The following ADAMTSL1 variants were observed in gnomAD, a reference collection of about 807,000 sequenced individuals.
The protein encoded by ADAMTSL1 is ADAMTS-like protein 1.
ADAMTSL1 carries 126 observed loss-of-function variants against 201.8 expected under a neutral mutation model. The ratio of observed to expected loss-of-function variants is 0.62; its 90% CI spans 0.54 to 0.72. ADAMTSL1 has a LOEUF of 0.72. Ranked by LOEUF, ADAMTSL1 falls within the 30% of genes least tolerant of loss-of-function variation. The pLI is 0.00. For missense variants in ADAMTSL1, 2,679 were observed against 2,277.8 expected (o/e 1.18, Z -3.59); for synonymous variants, 1,121 against 903.4 (o/e 1.24, Z -4.32).
At chr9:18,690,591 A>G (rs1831151094) in intron 13 of ADAMTSL1, among the ~76,000 whole-genome samples, 1 of 152,248 alleles carries the variant, frequency 6.6e-6, no homozygotes, top group Non-Finnish European at 1.5e-5. Context: ...AAATTTAAAT[A>G]CTGTTTGCAG....
At chr9:18,492,274 AG>A (rs1416371472) in intron 1 of ADAMTSL1, among the ~76,000 whole-genome samples, 1 of 152,202 alleles carries the variant, frequency 6.6e-6, no homozygotes, top group Non-Finnish European at 1.5e-5. Flanking sequence ...AAGTCAATAT[AG>A]AAACTGAAAA....
At chr9:18,009,528 G>C (rs1819967574) in intron 1 of ADAMTSL1, among the ~76,000 whole-genome samples, 1 of 152,048 alleles carries the variant, frequency 6.6e-6, no homozygotes, top group African/African-American at 2.4e-5. Flanking sequence ...TCAGTGACAA[G>C]AGATTATTTA....
At chr9:18,119,888 G>A (rs1308797522) in intron 1 of ADAMTSL1, among the ~76,000 whole-genome samples, 1 of 152,014 alleles carries the variant, frequency 6.6e-6, no homozygotes, top group African/African-American at 2.4e-5. Context: ...TTTAACTTTG[G>A]GAGATCAAAA....
intron 1 of ADAMTSL1, among the ~76,000 whole-genome samples, chr9:18,102,125 C>T (rs982907911): frequency 2.6e-5 from 4 of 152,192 alleles, no homozygotes; most frequent in African/African-American, 7.2e-5. Flanking sequence ...ACTAGAGATA[C>T]TCCTTAAAAG....
chr9:18,000,953 C>G (rs1286660186), intron 1 of ADAMTSL1, among the ~76,000 whole-genome samples: 3 of 151,996 alleles, frequency 2.0e-5, no homozygotes. Flanking sequence ...GGGCACTATC[C>G]CATCCCTAGA....
At chr9:18,697,265 A>C (rs904503345) in intron 13 of ADAMTSL1, among the ~76,000 whole-genome samples, 9 of 152,360 alleles carry the variant, frequency 5.9e-5, no homozygotes, top group African/African-American at 1.9e-4. Flanking sequence ...TTTAGAATAA[A>C]GTATATATTT....
At chr9:18,490,744 G>A (rs143669762) in intron 1 of ADAMTSL1, among the ~76,000 whole-genome samples, 1 of 152,178 alleles carries the variant, frequency 6.6e-6, no homozygotes, top group South Asian at 2.1e-4. Flanking sequence ...AGCCAGGGGA[G>A]CATATTCCGC....
intron 4 of ADAMTSL1, among the ~76,000 whole-genome samples, chr9:18,593,759 G>A (rs1185753531): frequency 1.3e-5 from 2 of 151,464 alleles, no homozygotes; most frequent in African/African-American, 4.9e-5. Flanking sequence ...ATTCCATTGT[G>A]TTCAGAGAAG....
In ADAMTSL1 at chr9:18,905,889, G is replaced by A. The variant is rs377559240; in HGVS notation, c.4959G>A (p.Pro1653=). ...CATCAGAGCAGTGCAGTGCTCTTCCGAGGTAAGAGAAAGCCCTGAATCTCC... is the reference window on the plus strand; with the variant it reads ...CATCAGAGCAGTGCAGTGCTCTTCCAAGGTAAGAGAAAGCCCTGAATCTCC... ...TLPSEQCSAL[P]RPVSTQNCWS... is the part of the protein sequence containing the mutation. The change falls in exon 27 of 29, where the codon CCG becomes CCA. Residue 1653 remains proline, a splice_region_variant and synonymous_variant. Transcript: ENST00000380548. 1.7e-5 allele frequency: 28 copies of A among 1,605,712 alleles called. No individual in the cohort carries two copies. Among genetic ancestry groups the A allele is most frequent in the South Asian group, 7.8e-5 (7 of 89,554 alleles).
intron 2 of ADAMTSL1, among the ~76,000 whole-genome samples, chr9:18,433,232 G>C (rs7872307): frequency 0.63 from 95,011 of 151,852 alleles, 30,327 homozygotes; most frequent in East Asian, 0.9. Context: ...AAGTTGTGGA[G>C]AGTTTTAATG....
chr9:17,961,839 C>T (rs977001642), intron 1 of ADAMTSL1, among the ~76,000 whole-genome samples: 5 of 152,210 alleles, frequency 3.3e-5, no homozygotes, highest in African/African-American at 1.2e-4. Flanking sequence ...ATGGTGTGGT[C>T]ACCACAGCTC....
At chr9:18,523,185 T>C (rs7469307) in intron 2 of ADAMTSL1, among the ~76,000 whole-genome samples, 2 of 152,222 alleles carry the variant, frequency 1.3e-5, no homozygotes, top group Admixed American at 1.3e-4. Flanking sequence ...ATTTCTCTGA[T>C]GGCCAGTGAT....
At chr9:18,130,162 C>T (rs987049209) in intron 1 of ADAMTSL1, among the ~76,000 whole-genome samples, 1 of 152,150 alleles carries the variant, frequency 6.6e-6, no homozygotes, top group Non-Finnish European at 1.5e-5. Context: ...GCTACTTATG[C>T]TTCTTGTCTC....
chr9:18,547,014 C>T (rs1432592085), intron 3 of ADAMTSL1, among the ~76,000 whole-genome samples: 3 of 152,150 alleles, frequency 2.0e-5, no homozygotes, highest in African/African-American at 7.2e-5. Flanking sequence ...AATGTCTATT[C>T]TGTACAATTC....
chr9:18,875,275 T>C (rs1828081536), intron 23 of ADAMTSL1, among the ~76,000 whole-genome samples: 1 of 152,178 alleles, frequency 6.6e-6, no homozygotes, highest in Non-Finnish European at 1.5e-5. Context: ...ATCTTTATTA[T>C]TTCCTTTCTT....
At chr9:18,649,489 C>A (rs1167996620) in intron 7 of ADAMTSL1, among the ~76,000 whole-genome samples, 2 of 152,152 alleles carry the variant, frequency 1.3e-5, no homozygotes, top group African/African-American at 2.4e-5. Flanking sequence ...TCCAGTTTTT[C>A]TGCTCTGTTT....
At chr9:18,366,249 CT>C (rs1563915701) in intron 2 of ADAMTSL1, among the ~76,000 whole-genome samples, 2 of 151,130 alleles carry the variant, frequency 1.3e-5, no homozygotes, top group Admixed American at 6.6e-5. Context: ...TACAGCCTTT[CT>C]TTTTTGTGTT....
intron 5 of ADAMTSL1, among the ~76,000 whole-genome samples, chr9:18,635,053 T>C (rs1683491368): frequency 6.6e-6 from 1 of 151,816 alleles, no homozygotes; most frequent in African/African-American, 2.4e-5. Flanking sequence ...CTATGCATTG[T>C]ACTTCCCAGA....
chr9:18,773,004 T>C (rs1244445130), intron 17 of ADAMTSL1, among the ~76,000 whole-genome samples: 1 of 152,188 alleles, frequency 6.6e-6, no homozygotes, highest in Non-Finnish European at 1.5e-5. Flanking sequence ...ACTGGTGCCA[T>C]ATTGAAGTGC....
Sources: gnomAD v4.1 joint callset for allele counts (sites outside exome capture counted in the v4.1 genomes callset) on GRCh38, gnomAD v4.1.1 for gene constraint, MANE v1.5 for transcripts, NCBI Gene and HGNC (gene_info 2026-07-23, HGNC 2026-07-21) for gene names.